The following FREM2 variants were observed in gnomAD, a reference collection of about 807,000 sequenced individuals.
FREM2 encodes FRAS1 related extracellular matrix 2.
In FREM2, 119 loss-of-function variants were observed where a neutral mutation model predicts 219.9. That is an observed-to-expected ratio of 0.54 (90% CI 0.47 to 0.63). The LOEUF is 0.63. Ranked by LOEUF, FREM2 falls within the 30% of genes least tolerant of loss-of-function variation. The pLI is 0.00. For synonymous variants in FREM2, 1,562 were observed against 1,522.8 expected (o/e 1.03, Z -0.60); for missense variants, 4,030 against 3,993.6 (o/e 1.01, Z -0.25).
chr13:38,864,124 G>T, intron 15 of FREM2, 151 bp from the exon 16 acceptor site: 2 of 670,300 alleles, frequency 3.0e-6, no homozygotes, highest in South Asian at 3.6e-5. Flanking sequence ...CCACGTCACC[G>T]GGCCTGGACA....
chr13:38,768,831 C>T (rs767101048), intron 3 of FREM2, among the ~76,000 whole-genome samples: 5 of 152,112 alleles, frequency 3.3e-5, no homozygotes, highest in African/African-American at 1.2e-4. Flanking sequence ...GATCATCTTG[C>T]GATGTAGTTA....
chr13:38,743,877 G>A (rs1424771574), intron 2 of FREM2, among the ~76,000 whole-genome samples: 1 of 152,086 alleles, frequency 6.6e-6, no homozygotes, highest in African/African-American at 2.4e-5. Flanking sequence ...GTGATTTGTA[G>A]GGCAAATGGA....
At chr13:38,840,310 A>G (rs1282977882) in intron 6 of FREM2, among the ~76,000 whole-genome samples, 1 of 151,508 alleles carries the variant, frequency 6.6e-6, no homozygotes, top group Non-Finnish European at 1.5e-5. Flanking sequence ...TCCTAATAAG[A>G]TGAACTGGGT....
At chr13:38,738,693 T>G (rs1872108198) in intron 2 of FREM2, among the ~76,000 whole-genome samples, 1 of 150,526 alleles carries the variant, frequency 6.6e-6, no homozygotes, top group South Asian at 2.1e-4. Flanking sequence ...AACCAGAGGG[T>G]GCAGGGGCAT....
intron 6 of FREM2, among the ~76,000 whole-genome samples, chr13:38,801,802 A>G (rs1323344105): frequency 6.6e-6 from 1 of 152,096 alleles, no homozygotes; most frequent in Non-Finnish European, 1.5e-5. Flanking sequence ...ATGGTGGCCC[A>G]GTTCGTTGGC....
intron 2 of FREM2, among the ~76,000 whole-genome samples, chr13:38,751,892 G>GTT (rs1872788508): frequency 8.5e-6 from 1 of 118,314 alleles, no homozygotes. Context: ...GTGTGTGTGT[G>GTT]TGTGTTTTCC....
intron 6 of FREM2, among the ~76,000 whole-genome samples, chr13:38,793,812 A>C (rs975094078): frequency 4.6e-5 from 7 of 152,160 alleles, no homozygotes; most frequent in African/African-American, 1.7e-4. Flanking sequence ...GCTGAGGAAG[A>C]ATGGGCATGT....
At chr13:38,744,461 C>G (rs911382844) in intron 2 of FREM2, among the ~76,000 whole-genome samples, 1 of 151,776 alleles carries the variant, frequency 6.6e-6, no homozygotes, top group Non-Finnish European at 1.5e-5. Flanking sequence ...CAACTTGTTA[C>G]TTAACTTTAA....
At chr13:38,703,689 G>C (rs1051040165) in intron 2 of FREM2, among the ~76,000 whole-genome samples, 2 of 152,112 alleles carry the variant, frequency 1.3e-5, no homozygotes, top group African/African-American at 4.8e-5. Context: ...AGATAGAAAA[G>C]TAAAACTCAA....
chr13:38,825,092 C>T (rs577931940), intron 6 of FREM2, among the ~76,000 whole-genome samples: 1 of 152,142 alleles, frequency 6.6e-6, no homozygotes, highest in South Asian at 2.1e-4. Flanking sequence ...GGTTGTTATA[C>T]AGAATAAATA....
chr13:38,789,533 AAAG>A, intron 6 of FREM2, among the ~76,000 whole-genome samples: 1 of 150,882 alleles, frequency 6.6e-6, no homozygotes, highest in Non-Finnish European at 1.5e-5. Flanking sequence ...TTTTTTAAAA[AAAG>A]CTATGTTTGG....
chr13:38,878,036 A>G, intron 21 of FREM2, 98 bp from the exon 22 acceptor site: 1 of 1,051,618 alleles, frequency 9.5e-7, no homozygotes, highest in Non-Finnish European at 1.5e-6. Context: ...GTGGCAAGGA[A>G]ATAATCTCTG....
At chr13:38,833,125 G>C (rs1876576708) in intron 6 of FREM2, among the ~76,000 whole-genome samples, 1 of 152,050 alleles carries the variant, frequency 6.6e-6, no homozygotes. Flanking sequence ...AATTAAGTAT[G>C]TATATATACT....
At chr13:38,821,670 A>G (rs895005333) in intron 6 of FREM2, 1 of 152,110 alleles carries the variant, frequency 6.6e-6, no homozygotes, top group Non-Finnish European at 1.5e-5. Flanking sequence ...ATGTTTCCAG[A>G]TGCTGTGCGA....
intron 2 of FREM2, among the ~76,000 whole-genome samples, chr13:38,718,483 G>T (rs1361755005): frequency 6.6e-6 from 1 of 152,086 alleles, no homozygotes; most frequent in African/African-American, 2.4e-5. Context: ...TGGAAATAAA[G>T]CATGGTTTGG....
intron 2 of FREM2, among the ~76,000 whole-genome samples, chr13:38,752,051 C>T (rs1259962577): frequency 1.3e-5 from 2 of 152,186 alleles, no homozygotes; most frequent in South Asian, 2.1e-4. Flanking sequence ...TAATACTACA[C>T]GCTAAGCAGC....
In FREM2 at chr13:38,764,395, A is replaced by G. The variant is rs1182683794; in HGVS notation, c.5355A>G (p.Lys1785=). The change falls in exon 3 of 24, where the codon AAA becomes AAG. Residue 1785 remains lysine, a synonymous_variant. Transcript: ENST00000280481. ...ATTACCTGGTCAATGAGGACTCCAAATTTCTAGATGTTGTTCTTAAACGTA... is the reference window on the plus strand; with the variant it reads ...ATTACCTGGTCAATGAGGACTCCAAGTTTCTAGATGTTGTTCTTAAACGTA... ...KEYYLVNEDS[K]FLDVVLKRRG... 6.2e-7 allele frequency: 1 copy of G among 1,601,766 alleles called. No homozygotes were observed. The highest frequency in any genetic ancestry group is 2.2e-5 in the East Asian group (1 of 44,738).
chr13:38,858,327 G>T (rs894715676), intron 13 of FREM2, among the ~76,000 whole-genome samples: 3 of 152,084 alleles, frequency 2.0e-5, no homozygotes, highest in Non-Finnish European at 4.4e-5. Context: ...ATGAAGAAAA[G>T]AATATAGGAA....
chr13:38,821,540 A>G (rs1876055742), intron 6 of FREM2, among the ~76,000 whole-genome samples: 1 of 152,144 alleles, frequency 6.6e-6, no homozygotes, highest in Non-Finnish European at 1.5e-5. Flanking sequence ...GGAGAAATAA[A>G]TCATCTTTTT....
Sources: allele counts gnomAD v4.1 joint callset (sites outside exome capture counted in the v4.1 genomes callset), GRCh38; gene constraint gnomAD v4.1.1; transcripts MANE v1.5; gene names NCBI Gene and HGNC (gene_info 2026-07-23, HGNC 2026-07-21).